The following L3HYPDH variants were observed in gnomAD, a reference collection of about 807,000 sequenced individuals.
L3HYPDH encodes trans-L-3-hydroxyproline dehydratase, also known as trans-3-hydroxy-L-proline dehydratase.
In L3HYPDH, 32 loss-of-function variants were observed where a neutral mutation model predicts 26.5. The ratio of observed to expected loss-of-function variants is 1.21; its 90% CI spans 0.91 to 1.62. L3HYPDH has a LOEUF of 1.62. Among genes scored for constraint, L3HYPDH ranks in the 40% most tolerant of loss-of-function variants. L3HYPDH has a pLI of 0.00. For missense variants in L3HYPDH, 554 were observed against 476.4 expected (o/e 1.16, Z -1.52); for synonymous variants, 215 against 196.6 (o/e 1.09, Z -0.78).
chr14:59,496,663 AG>A, the L3HYPDH span, among the ~76,000 whole-genome samples: 1 of 152,168 alleles, frequency 6.6e-6, no homozygotes. Context: ...ATTTGAGTGT[AG>A]CCTAAGAATC....
upstream of L3HYPDH, chr14:59,486,701 GTT>G (rs756588450): frequency 5.8e-6 from 9 of 1,551,028 alleles, no homozygotes; most frequent in Non-Finnish European, 6.1e-6. Context: ...ACTGGCATTT[GTT>G]TTTAAAAAGC....
At chr14:59,503,864 ATCT>A in the L3HYPDH span, 1 of 1,608,344 alleles carries the variant, frequency 6.2e-7, no homozygotes, top group Admixed American at 1.7e-5. Context: ...AACTGCTATG[ATCT>A]TCTGGTCAGA....
chr14:59,499,259 C>T, the L3HYPDH span, among the ~76,000 whole-genome samples: 1 of 151,738 alleles, frequency 6.6e-6, no homozygotes, highest in African/African-American at 2.4e-5. Flanking sequence ...ATCTCCTGAC[C>T]TCATGATCTG....
chr14:59,491,070 T>TA, the L3HYPDH span, among the ~76,000 whole-genome samples: 2 of 152,208 alleles, frequency 1.3e-5, no homozygotes, highest in African/African-American at 2.4e-5. Context: ...GGCCATCTCT[T>TA]ACAGTTTCCT....
the L3HYPDH span, among the ~76,000 whole-genome samples, chr14:59,492,873 C>T: frequency 2.7e-5 from 4 of 150,366 alleles, no homozygotes; most frequent in Admixed American, 1.3e-4. Context: ...CCTCGGCTCA[C>T]TGCAAGCTTC....
the L3HYPDH span, chr14:59,498,925 A>G: frequency 1.2e-5 from 17 of 1,474,472 alleles, no homozygotes; most frequent in Non-Finnish European, 1.6e-5. Context: ...TTGATGGGTA[A>G]AGTCAATGAA....
At chr14:59,472,301 TAA>T (rs1889334209), downstream of L3HYPDH, among the ~76,000 whole-genome samples, 1 of 152,230 alleles carries the variant, frequency 6.6e-6, no homozygotes, top group East Asian at 1.9e-4. Context: ...TGTATTTTAA[TAA>T]TGCAATAAGC....
intron 1 of L3HYPDH, among the ~76,000 whole-genome samples, chr14:59,466,279 C>T (rs1283231007): frequency 6.6e-6 from 1 of 152,168 alleles, no homozygotes; most frequent in East Asian, 1.9e-4. Context: ...GATGCAGCTC[C>T]AGGTACCTGG....
At chr14:59,470,057 T>A (rs1019160377), downstream of L3HYPDH, among the ~76,000 whole-genome samples, 5 of 152,204 alleles carry the variant, frequency 3.3e-5, no homozygotes. Flanking sequence ...AGCTGTTTTA[T>A]GTTTTTGGTT....
At chr14:59,503,703 C>G in the L3HYPDH span, 34 of 605,192 alleles carry the variant, frequency 5.6e-5, no homozygotes, top group Non-Finnish European at 8.2e-5. Flanking sequence ...AGTGGCTAGA[C>G]TGAGTGATTT....
At chr14:59,482,262 CTA>C (rs1354896080) in intron 1 of L3HYPDH, among the ~76,000 whole-genome samples, 1 of 152,170 alleles carries the variant, frequency 6.6e-6, no homozygotes, top group Non-Finnish European at 1.5e-5. Context: ...ACCTTGAACA[CTA>C]TGTCTGCCTT....
At chr14:59,485,127 G>A, upstream of L3HYPDH, 1 of 1,598,158 alleles carries the variant, frequency 6.3e-7, no homozygotes, top group Non-Finnish European at 8.5e-7. Context: ...GTAAGTGATA[G>A]GCTGTTTATT....
At chr14:59,474,637 C>T (rs1317405471) in intron 4 of L3HYPDH, 2 of 600,746 alleles carry the variant, frequency 3.3e-6, no homozygotes, top group East Asian at 2.9e-5. Context: ...GGATCTGCTA[C>T]TCACTAACTA....
intron 2 of L3HYPDH, among the ~76,000 whole-genome samples, chr14:59,476,559 G>A (rs553581179): frequency 1.3e-5 from 2 of 152,152 alleles, no homozygotes; most frequent in African/African-American, 2.4e-5. Flanking sequence ...ACAGGCTGGC[G>A]ATGGCTGCTC....
chr14:59,481,785 G>C (rs1243560667), intron 1 of L3HYPDH, among the ~76,000 whole-genome samples: 1 of 152,220 alleles, frequency 6.6e-6, no homozygotes, highest in East Asian at 1.9e-4. Flanking sequence ...AAGGATGAGA[G>C]GGAAGCAATA....
chr14:59,501,190 GA>G, the L3HYPDH span: 1 of 1,570,178 alleles, frequency 6.4e-7, no homozygotes, highest in Non-Finnish European at 8.7e-7. Context: ...TTATCTTTCA[GA>G]TTACGCCTTC....
chr14:59,490,281 T>G, the L3HYPDH span, among the ~76,000 whole-genome samples: 2 of 152,198 alleles, frequency 1.3e-5, no homozygotes, highest in African/African-American at 4.8e-5. Context: ...ACTCACTCAT[T>G]ACTGTGAGCA....
At chr14:59,473,170 T>G in intron 4 of L3HYPDH, 80 bp from the exon 5 acceptor site, 1 of 1,347,576 alleles carries the variant, frequency 7.4e-7, no homozygotes, top group Non-Finnish European at 1.0e-6. Context: ...CTCTTGACTT[T>G]TATCATGTGA....
chr14:59,498,572 C>T, the L3HYPDH span, among the ~76,000 whole-genome samples: 1 of 152,154 alleles, frequency 6.6e-6, no homozygotes, highest in East Asian at 1.9e-4. Flanking sequence ...TGTATGACAG[C>T]CTGTTTGGCC....
Sources: allele counts gnomAD v4.1 joint callset (sites outside exome capture counted in the v4.1 genomes callset), GRCh38; gene constraint gnomAD v4.1.1; transcripts MANE v1.5; gene names NCBI Gene and HGNC (gene_info 2026-07-23, HGNC 2026-07-21).